NUSAP1: variants seen among roughly 807,000 people sequenced by gnomAD.
The protein encoded by NUSAP1 is nucleolar and spindle associated protein 1, also known as nucleolar and spindle-associated protein 1.
A neutral mutation model predicts 52.8 loss-of-function variants in NUSAP1; 32 were observed. The observed-to-expected ratio is 0.61, with a 90% CI of 0.46 to 0.81. The LOEUF is 0.81. NUSAP1 is among the 40% of genes least tolerant of loss of function. NUSAP1 has a pLI of 0.00. For synonymous variants in NUSAP1, 195 were observed against 183.1 expected, an observed-to-expected ratio of 1.06 and a Z score of -0.52; for missense variants, 499 against 522.3, an observed-to-expected ratio of 0.96 and a Z score of 0.43.
chr15:41,370,772 A>T (rs1169085297), intron 7 of NUSAP1, among the ~76,000 whole-genome samples: 2 of 148,660 alleles, frequency 1.3e-5, no homozygotes, highest in Non-Finnish European at 3.0e-5. Context: ...AAAAAAAAAA[A>T]TTAGCCAGGC....
intron 3 of NUSAP1, among the ~76,000 whole-genome samples, chr15:41,349,766 C>CTTTTTTTTTTTTTTTTTTTTT (rs1181209511): frequency 8.1e-6 from 1 of 123,544 alleles, no homozygotes; most frequent in African/African-American, 3.0e-5. Context: ...TTTTTCTTTT[C>CTTTTTTTTTTTTTTTTTTTTT]TTTTTTTTTT....
chr15:41,348,123 TAAA>T (rs1425207790), intron 2 of NUSAP1, among the ~76,000 whole-genome samples: 1 of 151,900 alleles, frequency 6.6e-6, no homozygotes, highest in Non-Finnish European at 1.5e-5. Context: ...ACCTTGTCTC[TAAA>T]AAAGAAAGAA....
In NUSAP1 at chr15:41,371,701, AC is replaced by A. The variant is rs774322486; in HGVS notation, c.1006+18del. The stretch of plus-strand genomic sequence containing the variant: ...CTGCTGCTGGTAAAAAAAAAAAAAA[AC>A]AAAAGAAATCTGTTTCATTTTTAAG... On this transcript the variant is annotated intron_variant, in intron 8 of 10. Coordinates refer to ENST00000559596, the MANE Select transcript of NUSAP1 (RefSeq NM_016359.5). 1.3e-5 allele frequency: 21 copies of A among 1,563,652 alleles called. No homozygotes were observed. The highest frequency in any genetic ancestry group is 1.7e-4 in the Middle Eastern group (1 of 5,912).
At chr15:41,347,364 G>A (rs1261439900) in intron 2 of NUSAP1, among the ~76,000 whole-genome samples, 7 of 152,084 alleles carry the variant, frequency 4.6e-5, no homozygotes, top group African/African-American at 9.7e-5. Flanking sequence ...TTCTCATTAA[G>A]GAAATTAAAT....
At chr15:41,344,442 TC>T (rs1027314817) in intron 2 of NUSAP1, among the ~76,000 whole-genome samples, 16 of 150,420 alleles carry the variant, frequency 1.1e-4, no homozygotes, top group African/African-American at 3.9e-4. Flanking sequence ...ATCAAGACCA[TC>T]CTGGCTAACA....
intron 3 of NUSAP1, among the ~76,000 whole-genome samples, chr15:41,350,261 A>G (rs1215974333): frequency 1.3e-5 from 2 of 152,192 alleles, no homozygotes; most frequent in Non-Finnish European, 2.9e-5. Context: ...AGCAAAATAA[A>G]AGCAATTAAT....
At position 41,332,916 on chromosome 15, in the gene NUSAP1, T is replaced by A; in HGVS notation, c.-42T>A. 6.7e-7 allele frequency: 1 copy of A among 1,491,760 alleles called. No individual in the cohort carries two copies. Among genetic ancestry groups the A allele is most frequent in the Non-Finnish European group, 9.2e-7 (1 of 1,082,578 alleles). The allele number at this position is 1,491,760 out of a possible 1,614,324, so 92.4% of individuals were successfully genotyped here. A position where few individuals can be genotyped will look rare whatever the true frequency, so the allele number is the denominator to read the frequency against. On this transcript the variant is annotated 5_prime_UTR_variant, in exon 1 of 11. Transcript: ENST00000559596. ...GGATTTGAACCGCGCTGACGAAGTTTGGTGATCCATCTTCCGAGTATCGCC... is the reference window on the plus strand; with the variant it reads ...GGATTTGAACCGCGCTGACGAAGTTAGGTGATCCATCTTCCGAGTATCGCC...
chr15:41,338,682 G>A (rs978596656), intron 1 of NUSAP1, among the ~76,000 whole-genome samples: 3 of 152,164 alleles, frequency 2.0e-5, no homozygotes, highest in South Asian at 2.1e-4. Flanking sequence ...GGCGCCAGGC[G>A]CAGTGGCTCA....
chr15:41,378,327 C>T (rs971128588), intron 10 of NUSAP1, among the ~76,000 whole-genome samples: 3 of 152,146 alleles, frequency 2.0e-5, no homozygotes, highest in Non-Finnish European at 4.4e-5. Context: ...CAGGACGGTC[C>T]TTAGAGGCTT....
chr15:41,353,561 T>C (rs1166301626), intron 4 of NUSAP1, among the ~76,000 whole-genome samples: 3 of 152,124 alleles, frequency 2.0e-5, no homozygotes, highest in Non-Finnish European at 2.9e-5. Flanking sequence ...TACGGATACA[T>C]TGGGGAAACT....
intron 7 of NUSAP1, among the ~76,000 whole-genome samples, chr15:41,371,168 C>T (rs2049671513): frequency 6.6e-6 from 1 of 152,092 alleles, no homozygotes; most frequent in African/African-American, 2.4e-5. Context: ...TCTTCTGCTA[C>T]CTGTGACTTC....
At chr15:41,335,894 A>C (rs866187581) in intron 1 of NUSAP1, among the ~76,000 whole-genome samples, 88 of 149,894 alleles carry the variant, frequency 5.9e-4, no homozygotes, top group Middle Eastern at 3.6e-3. Flanking sequence ...TATTTGTACT[A>C]GTAAAATTTA....
At chr15:41,353,871 C>T (rs1047697408) in intron 4 of NUSAP1, among the ~76,000 whole-genome samples, 3 of 152,156 alleles carry the variant, frequency 2.0e-5, no homozygotes, top group African/African-American at 7.2e-5. Flanking sequence ...CAGCCTACCT[C>T]AGTTTCTCTG....
At chr15:41,367,244 G>C (rs752469390) in intron 7 of NUSAP1, among the ~76,000 whole-genome samples, 2 of 152,180 alleles carry the variant, frequency 1.3e-5, no homozygotes, top group Non-Finnish European at 2.9e-5. Context: ...TCTCATGGCT[G>C]TTTCTCAGGC....
At position 41,349,090 on chromosome 15, in the gene NUSAP1, C is replaced by T; in HGVS notation, c.163-8C>T. ...TAGCACATAGCAGATTAATACCTCT[C>T]TTTTCAGGATGAAAGTCAAACTTCT... On this transcript the variant is annotated splice_polypyrimidine_tract_variant and splice_region_variant and intron_variant, in intron 2 of 10. Transcript: ENST00000559596. 1 of 1,612,972 alleles carries T rather than the reference C, an allele frequency of 6.2e-7. No homozygotes were observed.
intron 9 of NUSAP1, among the ~76,000 whole-genome samples, chr15:41,376,121 G>A (rs548356398): frequency 2.4e-4 from 36 of 152,274 alleles, no homozygotes; most frequent in African/African-American, 7.2e-4. Context: ...GCGGCCGGGC[G>A]CAGTGGCTCT....
intron 8 of NUSAP1, among the ~76,000 whole-genome samples, chr15:41,372,630 C>T (rs571010689): frequency 6.6e-6 from 1 of 152,280 alleles, no homozygotes; most frequent in African/African-American, 2.4e-5. Flanking sequence ...GTATGGCAGT[C>T]CCTTGTTCTA....
Position 41,346,878 on chromosome 15 carries a change from A to C in NUSAP1, c.163-2220A>C, listed in dbSNP as rs949091630. Among the ~76,000 whole-genome samples, 68 of 121,214 alleles carry C rather than the reference A, an allele frequency of 5.6e-4. 1 individual carries two copies. Among genetic ancestry groups the C allele is most frequent in the East Asian group, 4.4e-3 (18 of 4,102 alleles). 79.5% of individuals were successfully genotyped at this position (121,214 alleles called of 152,430 possible). On this transcript the variant is annotated intron_variant, in intron 2 of 10. Transcript: ENST00000559596. ...AAATAAATAAATAAATAAATAAATA[A>C]ATACTGATGTATGGCCAGGCACAGT...
chr15:41,364,880 A>G (rs571010850), intron 6 of NUSAP1, among the ~76,000 whole-genome samples: 120 of 152,260 alleles, frequency 7.9e-4, no homozygotes, highest in African/African-American at 2.7e-3. Flanking sequence ...ATAAAAAAAA[A>G]AAAGAAAGAA....
Sources: gnomAD v4.1 joint callset for allele counts (sites outside exome capture counted in the v4.1 genomes callset) on GRCh38, gnomAD v4.1.1 for gene constraint, MANE v1.5 for transcripts, NCBI Gene and HGNC (gene_info 2026-07-23, HGNC 2026-07-21) for gene names.